The following RIMS2 variants were observed in gnomAD, a reference collection of about 807,000 sequenced individuals.
RIMS2 encodes the protein regulating synaptic membrane exocytosis 2, also known as regulating synaptic membrane exocytosis protein 2.
A neutral mutation model predicts 174.4 loss-of-function variants in RIMS2; 59 were observed. The ratio of observed to expected loss-of-function variants is 0.34; its 90% CI spans 0.27 to 0.42. The LOEUF is 0.42. Among genes scored for constraint, RIMS2 ranks in the 10% least tolerant of loss-of-function variants. The pLI, the probability that RIMS2 is intolerant of heterozygous loss-of-function variation, is 1.00. For synonymous variants in RIMS2, 606 were observed against 572.5 expected (o/e 1.06, Z -0.84); for missense variants, 1,620 against 1,666.3 (o/e 0.97, Z 0.48).
intron 1 of RIMS2, among the ~76,000 whole-genome samples, chr8:103,682,231 A>G (rs912044187): frequency 6.6e-6 from 1 of 152,130 alleles, no homozygotes; most frequent in Non-Finnish European, 1.5e-5. Context: ...TAAGTCACTT[A>G]TATATAGGTG....
intron 19 of RIMS2, among the ~76,000 whole-genome samples, chr8:104,175,879 C>T (rs1037470752): frequency 6.6e-6 from 1 of 152,118 alleles, no homozygotes; most frequent in Non-Finnish European, 1.5e-5. Flanking sequence ...TGTATGCTCT[C>T]TTCTTGCATT....
At chr8:103,652,821 T>G in intron 1 of RIMS2, 111 bp downstream of exon 3, 3 of 579,396 alleles carry the variant, frequency 5.2e-6, no homozygotes. Context: ...AAAGGAAAAT[T>G]GTTCGGTTAG....
intron 19 of RIMS2, among the ~76,000 whole-genome samples, chr8:104,155,429 T>TC (rs2098716729): frequency 8.9e-6 from 1 of 112,768 alleles, no homozygotes; most frequent in Non-Finnish European, 1.8e-5. Flanking sequence ...TTTTTTTTTT[T>TC]CTGAGACAGA....
rs1607911 is a variant in RIMS2, at chr8:103,725,647, G to T, written c.387+28351G>T. 1.5e-4 allele frequency among the ~76,000 whole-genome samples: 23 copies of T among 152,074 alleles called. No homozygotes were observed. In the South Asian group the frequency reaches 4.6e-3, roughly 30 times the overall value. ...TTGCAGGACATATGGATTGCTTCTA[G>T]TGTTGTTGGCTATAATAAAGCCACT... On this transcript the variant is annotated intron_variant, in intron 2 of 23. Transcript: ENST00000504942.
chr8:104,112,565 G>T (rs773306999), intron 19 of RIMS2, among the ~76,000 whole-genome samples: 6 of 152,108 alleles, frequency 3.9e-5, no homozygotes, highest in Non-Finnish European at 8.8e-5. Context: ...CTGAGATGAG[G>T]ATTCTCCTGG....
chr8:104,080,924 G>T, intron 19 of RIMS2, among the ~76,000 whole-genome samples: 1 of 152,012 alleles, frequency 6.6e-6, no homozygotes, highest in East Asian at 1.9e-4. Context: ...TGAAGGAAGG[G>T]ACTTTGGTGA....
At chr8:103,577,432 C>T (rs1204584132) in intron 1 of RIMS2, among the ~76,000 whole-genome samples, 2 of 152,024 alleles carry the variant, frequency 1.3e-5, no homozygotes, top group Non-Finnish European at 2.9e-5. Flanking sequence ...CACATGGACA[C>T]AGGGAGGGGA....
chr8:104,154,151 T>C (rs985698257), intron 19 of RIMS2, among the ~76,000 whole-genome samples: 2 of 152,198 alleles, frequency 1.3e-5, no homozygotes, highest in Non-Finnish European at 2.9e-5. Flanking sequence ...AGTTATTATC[T>C]CCATTCGATA....
chr8:103,937,731 T>G (rs1053581279), intron 13 of RIMS2, among the ~76,000 whole-genome samples: 1 of 152,236 alleles, frequency 6.6e-6, no homozygotes, highest in Non-Finnish European at 1.5e-5. Context: ...TCTTGGTCAA[T>G]TGCATTGAAA....
chr8:103,852,680 A>T (rs2099005814), intron 3 of RIMS2, among the ~76,000 whole-genome samples: 1 of 152,054 alleles, frequency 6.6e-6, no homozygotes, highest in South Asian at 2.1e-4. Context: ...TTCCTGCATT[A>T]ATTTGCTTAG....
At chr8:103,724,581 T>C (rs1478045678) in intron 2 of RIMS2, among the ~76,000 whole-genome samples, 2 of 152,198 alleles carry the variant, frequency 1.3e-5, no homozygotes, top group African/African-American at 4.8e-5. Flanking sequence ...AATTCTCCAA[T>C]ATTTTATCTT....
At chr8:103,692,528 A>G (rs1260081118) in intron 1 of RIMS2, among the ~76,000 whole-genome samples, 1 of 152,124 alleles carries the variant, frequency 6.6e-6, no homozygotes, top group Non-Finnish European at 1.5e-5. Flanking sequence ...TGTGAGTCTC[A>G]CCCAAGGCCC....
At chr8:104,246,308 C>A (rs1196154833) in intron 20 of RIMS2, among the ~76,000 whole-genome samples, 1 of 152,134 alleles carries the variant, frequency 6.6e-6, no homozygotes, top group African/African-American at 2.4e-5. Context: ...CTGGTTCTCT[C>A]ATCTGGGTCT....
At chr8:104,225,407 G>T (rs964278077) in intron 19 of RIMS2, among the ~76,000 whole-genome samples, 1 of 152,084 alleles carries the variant, frequency 6.6e-6, no homozygotes, top group African/African-American at 2.4e-5. Context: ...GATGAGGCTA[G>T]AATTTAACCA....
intron 1 of RIMS2, among the ~76,000 whole-genome samples, chr8:103,668,465 T>C (rs911300744): frequency 6.6e-6 from 1 of 152,182 alleles, no homozygotes; most frequent in African/African-American, 2.4e-5. Context: ...AATGAAATCT[T>C]TCTATGTTCA....
chr8:103,678,783 A>G (rs1195875553), intron 1 of RIMS2, among the ~76,000 whole-genome samples: 1 of 152,136 alleles, frequency 6.6e-6, no homozygotes, highest in Non-Finnish European at 1.5e-5. Flanking sequence ...AAGGAAGTCA[A>G]TTCAATTGAA....
At chr8:103,624,508 C>T (rs1157080915) in intron 1 of RIMS2, among the ~76,000 whole-genome samples, 1 of 152,122 alleles carries the variant, frequency 6.6e-6, no homozygotes, top group African/African-American at 2.4e-5. Context: ...CCAATTCCTC[C>T]TAATAACTCT....
chr8:103,596,171 TA>T (rs1464679708), intron 1 of RIMS2, among the ~76,000 whole-genome samples: 1 of 152,080 alleles, frequency 6.6e-6, no homozygotes, highest in Non-Finnish European at 1.5e-5. Context: ...CTAAATTTCA[TA>T]ATTGTTCAAG....
chr8:103,927,483 T>G (rs1264207177), intron 10 of RIMS2, among the ~76,000 whole-genome samples: 1 of 151,460 alleles, frequency 6.6e-6, no homozygotes, highest in Non-Finnish European at 1.5e-5. Flanking sequence ...TGTAGTGTGT[T>G]TAAGGATAAA....
Sources: gnomAD v4.1 joint callset for allele counts (sites outside exome capture counted in the v4.1 genomes callset) on GRCh38, gnomAD v4.1.1 for gene constraint, MANE v1.5 for transcripts, NCBI Gene and HGNC (gene_info 2026-07-23, HGNC 2026-07-21) for gene names.